GRAMD1C: variants seen among roughly 807,000 people sequenced by gnomAD.
GRAMD1C encodes the protein GRAM domain containing 1C.
Under a neutral mutation model 97.8 loss-of-function variants are expected in GRAMD1C, and 89 were observed. The ratio of observed to expected loss-of-function variants is 0.91; its 90% CI spans 0.77 to 1.09. The LOEUF (loss-of-function observed/expected upper bound fraction) is 1.09. Ranked by LOEUF, GRAMD1C falls within the 50% of genes least tolerant of loss-of-function variation. The pLI is 0.00. For missense variants in GRAMD1C, 740 were observed against 766.4 expected (o/e 0.97, Z 0.41); for synonymous variants, 256 against 267.0 (o/e 0.96, Z 0.40).
chr3:113,897,862 AAGGT>A, intron 6 of GRAMD1C: 1 of 410,344 alleles, frequency 2.4e-6, no homozygotes, highest in Non-Finnish European at 3.3e-6. Flanking sequence ...GAAGACTACT[AAGGT>A]AGATTATTTT....
At position 113,885,305 on chromosome 3, in the gene GRAMD1C, G is replaced by C. The variant is rs1267798202; in HGVS notation, c.540+2473G>C. On this transcript the variant is annotated intron_variant, in intron 6 of 17. Transcript: ENST00000358160. Reference sequence around the variant, plus strand: ...GGTGCCGGGGTCATCCGGATGGTGCGGACGCAGTGTCTGCTGGGACTGCGC... The same window carrying C: ...GGTGCCGGGGTCATCCGGATGGTGCCGACGCAGTGTCTGCTGGGACTGCGC... The C allele has an allele frequency of 9.0e-6, 14 of 1,554,654 alleles. No individual in the cohort carries two copies. The East Asian group carries it at 2.9e-4, about 33-fold the overall frequency.
chr3:113,873,595 T>G (rs1273457408), intron 3 of GRAMD1C, among the ~76,000 whole-genome samples: 2 of 152,078 alleles, frequency 1.3e-5, no homozygotes, highest in African/African-American at 4.8e-5. Context: ...CTCAGCTCAC[T>G]GTAACCTTTG....
chr3:113,903,746 A>G (rs1367190281), intron 7 of GRAMD1C, among the ~76,000 whole-genome samples: 3 of 151,830 alleles, frequency 2.0e-5, no homozygotes, highest in African/African-American at 2.4e-5. Flanking sequence ...GTCAGAAGGA[A>G]GGAGATATAA....
intron 7 of GRAMD1C, among the ~76,000 whole-genome samples, chr3:113,903,024 G>GGCGT (rs1936233769): frequency 6.6e-6 from 1 of 150,716 alleles, no homozygotes; most frequent in African/African-American, 2.4e-5. Context: ...GGAGTGCAGT[G>GGCGT]GCGTGATCTT....
rs1436751450 is a variant in GRAMD1C, at chr3:113,833,252, C to T, written n.98+4973C>T. Reference sequence around the variant, plus strand: ...TCCTGGGTTCAAGCAATTCTCCTGCCTCAGCCTCCCAAGTAGCTGGGATTA... The same window carrying T: ...TCCTGGGTTCAAGCAATTCTCCTGCTTCAGCCTCCCAAGTAGCTGGGATTA... On this transcript the variant is annotated intron_variant and non_coding_transcript_variant, in intron 1 of 18. Coordinates refer to the GRAMD1C transcript ENST00000479212. Among the ~76,000 whole-genome samples the T allele has an allele frequency of 1.3e-5, 2 of 151,666 alleles. 1 individual carries two copies. The highest frequency in any genetic ancestry group is 2.9e-5 in the Non-Finnish European group (2 of 67,922).
chr3:113,932,933 A>G (rs1937492412), intron 11 of GRAMD1C, among the ~76,000 whole-genome samples: 1 of 145,164 alleles, frequency 6.9e-6, no homozygotes, highest in South Asian at 2.2e-4. Flanking sequence ...CCCAGGCTGG[A>G]GCGCAGTGAG....
At chr3:113,850,355 T>A (rs1577123882) in intron 2 of GRAMD1C, 1 of 767,018 alleles carries the variant, frequency 1.3e-6, no homozygotes. Flanking sequence ...ACTCCGTCTG[T>A]AGGTATCTCT....
chr3:113,878,739 A>T (rs1935146162), intron 5 of GRAMD1C, among the ~76,000 whole-genome samples: 1 of 152,092 alleles, frequency 6.6e-6, no homozygotes, highest in Non-Finnish European at 1.5e-5. Context: ...GCTATGAGAA[A>T]CCAGGCTCCC....
At chr3:113,927,085 C>CACCTTTGTTTTCACAGGTGTT (rs1937255741) in intron 10 of GRAMD1C, among the ~76,000 whole-genome samples, 2 of 151,668 alleles carry the variant, frequency 1.3e-5, no homozygotes, top group Non-Finnish European at 2.9e-5. Context: ...TCACAGGTGT[C>CACCTTTGTTTTCACAGGTGTT]ACCTTTGTTT....
At chr3:113,860,311 C>A (rs1934314415) in intron 2 of GRAMD1C, among the ~76,000 whole-genome samples, 1 of 152,136 alleles carries the variant, frequency 6.6e-6, no homozygotes, top group Non-Finnish European at 1.5e-5. Context: ...TGAGCCACTG[C>A]ACTCGGCCAA....
intron 1 of GRAMD1C, among the ~76,000 whole-genome samples, chr3:113,833,140 G>C (rs1310002673): frequency 9.7e-6 from 1 of 102,690 alleles, no homozygotes; most frequent in Non-Finnish European, 2.0e-5. Flanking sequence ...TTTTTTGTGT[G>C]TGTGCGTGTG....
rs554213379 is a variant in GRAMD1C, at chr3:113,942,305, T to C, written c.1908+1960T>C. 6.6e-5 allele frequency among the ~76,000 whole-genome samples: 10 copies of C among 152,236 alleles called. No homozygotes were observed. In the South Asian group the frequency reaches 2.1e-3, roughly 32 times the overall value. ...ACATTTTTTAAATCTTCTTCTGGCA[T>C]ACTCATTTTGCATCAAGATCTTCAC... On this transcript the variant is annotated intron_variant, in intron 17 of 17. Coordinates refer to ENST00000358160, the MANE Select transcript of GRAMD1C (RefSeq NM_017577.5).
intron 6 of GRAMD1C, among the ~76,000 whole-genome samples, chr3:113,886,709 G>A (rs1935496502): frequency 6.7e-6 from 1 of 149,728 alleles, no homozygotes; most frequent in African/African-American, 2.4e-5. Flanking sequence ...TAACAGAAAT[G>A]AATGAAGTAA....
chr3:113,844,643 C>CT lies in GRAMD1C; in HGVS notation c.172dup (p.Trp58LeufsTer8). 1.9e-6 allele frequency: 3 copies of CT among 1,574,786 alleles called. No homozygotes were observed. In the South Asian group the frequency reaches 3.6e-5, roughly 19 times the overall value. ...TACATAATTGGAGTGGTGACTGGAG[C>CT]TTTTGGGTAATTTCTTTTTTTACGT... On this transcript the variant is annotated frameshift_variant, in exon 2 of 18. Coordinates refer to ENST00000358160, the MANE Select transcript of GRAMD1C (RefSeq NM_017577.5). LOFTEE classifies it high-confidence loss of function.
intron 6 of GRAMD1C, among the ~76,000 whole-genome samples, chr3:113,892,968 G>T (rs1302412649): frequency 2.0e-5 from 3 of 151,904 alleles, no homozygotes; most frequent in Admixed American, 1.3e-4. Context: ...AAAATCAAAA[G>T]AATAATATTT....
In GRAMD1C at chr3:113,861,956, G is replaced by A. The variant is rs117666128; in HGVS notation, c.175-7551G>A. On this transcript the variant is annotated intron_variant, in intron 2 of 17. Coordinates refer to ENST00000358160, the MANE Select transcript of GRAMD1C (RefSeq NM_017577.5). ...TGTCAGCAGGTTCTGTGATGCCCTC[G>A]AGCCGTAAAACCAGCAAGTTTTTAT... Among the ~76,000 whole-genome samples the A allele has an allele frequency of 3.9e-3, 590 of 152,200 alleles. 8 individuals are homozygous for A. The highest frequency in any genetic ancestry group is 0.028 in the South Asian group (135 of 4,824).
chr3:113,867,092 G>A (rs938700611), intron 2 of GRAMD1C, among the ~76,000 whole-genome samples: 5 of 151,940 alleles, frequency 3.3e-5, no homozygotes, highest in African/African-American at 7.3e-5. Flanking sequence ...GCCTCCCAAA[G>A]TGCTGGGATT....
chr3:113,925,454 A>G (rs1028410120), intron 10 of GRAMD1C, among the ~76,000 whole-genome samples: 3 of 148,630 alleles, frequency 2.0e-5, no homozygotes, highest in African/African-American at 7.5e-5. Flanking sequence ...CCTGGGTGAC[A>G]GAGCAAGACT....
chr3:113,850,820 G>T, intron 2 of GRAMD1C: 2 of 557,398 alleles, frequency 3.6e-6, no homozygotes, highest in Non-Finnish European at 5.5e-6. Context: ...TATTTTTTTT[G>T]AGATGGAGTA....
Sources: allele counts gnomAD v4.1 joint callset (sites outside exome capture counted in the v4.1 genomes callset), GRCh38; gene constraint gnomAD v4.1.1; transcripts MANE v1.5; gene names NCBI Gene and HGNC (gene_info 2026-07-23, HGNC 2026-07-21).